Variants in MIR2052HG observed in about 807,000 individuals in gnomAD.
MIR2052HG encodes the protein MIR2052 host gene.
intron 2 of MIR2052HG, among the ~76,000 whole-genome samples, chr8:74,660,176 C>T (rs1383378992): frequency 1.3e-5 from 2 of 152,244 alleles, no homozygotes; most frequent in South Asian, 4.1e-4. Context: ...TCTCGGCTCA[C>T]CTGAACCATT....
chr8:74,735,983 T>G (rs1313107686), intron 4 of MIR2052HG, among the ~76,000 whole-genome samples: 2 of 152,174 alleles, frequency 1.3e-5, no homozygotes, highest in South Asian at 2.1e-4. Flanking sequence ...GCATAAAAAT[T>G]TAATGATATC....
rs1808041801 is a variant in MIR2052HG, at chr8:74,602,877, T to TTTCTTTCTTTCTTTCTTTC, written n.128+2973_128+2974insTTCTTTCTTTCTTTCTTCT. On this transcript the variant is annotated intron_variant and non_coding_transcript_variant, in intron 1 of 6. Transcript: ENST00000523442. ...TCTTTCTTTCTTTCTTTCTTTCTTT[T>TTTCTTTCTTTCTTTCTTTC]TTCTATTCACAAAGAAAAAGCTCCA... Among the ~76,000 whole-genome samples the TTTCTTTCTTTCTTTCTTTC allele has an allele frequency of 6.1e-3, 329 of 53,794 alleles. 53 individuals carry two copies. The highest frequency in any genetic ancestry group is 8.3e-3 in the Non-Finnish European group (245 of 29,478). 35.3% of individuals were successfully genotyped at this position (53,794 alleles called of 152,430 possible).
chr8:74,710,970 C>A (rs1282367144), intron 4 of MIR2052HG, among the ~76,000 whole-genome samples: 1 of 152,170 alleles, frequency 6.6e-6, no homozygotes, highest in Non-Finnish European at 1.5e-5. Flanking sequence ...CTGCTCCGTA[C>A]CTCTATGCTG....
At chr8:74,731,583 C>A (rs533327501) in intron 4 of MIR2052HG, among the ~76,000 whole-genome samples, 33 of 152,202 alleles carry the variant, frequency 2.2e-4, no homozygotes, top group African/African-American at 7.7e-4. Context: ...CTAGAGACAA[C>A]CAGCCTTGAA....
chr8:74,686,342 C>A (rs1809180774), intron 2 of MIR2052HG, among the ~76,000 whole-genome samples: 1 of 152,094 alleles, frequency 6.6e-6, no homozygotes, highest in Admixed American at 6.6e-5. Context: ...GACTGACTTA[C>A]AATTTTTTTG....
intron 2 of MIR2052HG, among the ~76,000 whole-genome samples, chr8:74,676,306 T>C (rs1276687846): frequency 6.6e-6 from 1 of 152,122 alleles, no homozygotes; most frequent in East Asian, 1.9e-4. Flanking sequence ...ATGTCTCAGA[T>C]TGAGAATAAA....
intron 1 of MIR2052HG, chr8:74,603,714 C>T (rs1808060536): frequency 3.3e-6 from 3 of 910,280 alleles, no homozygotes; most frequent in African/African-American, 1.6e-5. Flanking sequence ...TGAGCTGGTA[C>T]GGGATGGTCA....
intron 4 of MIR2052HG, among the ~76,000 whole-genome samples, chr8:74,739,418 A>G (rs1809803882): frequency 6.6e-6 from 1 of 152,170 alleles, no homozygotes; most frequent in Admixed American, 6.5e-5. Flanking sequence ...CTCTATTGAC[A>G]GCTTCCGAGT....
intron 4 of MIR2052HG, among the ~76,000 whole-genome samples, chr8:74,715,524 T>C (rs1809511387): frequency 6.6e-6 from 1 of 152,272 alleles, no homozygotes; most frequent in South Asian, 2.1e-4. Context: ...AATCCCATTC[T>C]GTTTGTGACT....
intron 2 of MIR2052HG, among the ~76,000 whole-genome samples, chr8:74,673,346 G>A (rs1350190825): frequency 6.6e-6 from 1 of 151,972 alleles, no homozygotes; most frequent in African/African-American, 2.4e-5. Context: ...GGCCACAATT[G>A]TCCTTTTCTT....
At chr8:74,723,612 T>C (rs1809602051) in intron 4 of MIR2052HG, among the ~76,000 whole-genome samples, 2 of 152,228 alleles carry the variant, frequency 1.3e-5, no homozygotes, top group African/African-American at 4.8e-5. Context: ...CATCTGGCTC[T>C]ATGCTCGGAC....
intron 2 of MIR2052HG, among the ~76,000 whole-genome samples, chr8:74,616,078 G>T (rs1229105386): frequency 1.3e-4 from 20 of 151,908 alleles, no homozygotes; most frequent in Admixed American, 1.3e-3. Flanking sequence ...AACATATGTG[G>T]GCATGTGTCT....
chr8:74,729,733 G>A (rs766565352), intron 4 of MIR2052HG, among the ~76,000 whole-genome samples: 5 of 152,126 alleles, frequency 3.3e-5, no homozygotes, highest in Non-Finnish European at 5.9e-5. Context: ...TTACTTAAGG[G>A]AGATTTGCTA....
At chr8:74,710,081 A>G (rs1014501087) in intron 4 of MIR2052HG, among the ~76,000 whole-genome samples, 1 of 152,160 alleles carries the variant, frequency 6.6e-6, no homozygotes, top group African/African-American at 2.4e-5. Flanking sequence ...ATAAATTCCA[A>G]GTATGCCCAT....
chr8:74,687,868 T>A (rs1809199812), intron 2 of MIR2052HG, among the ~76,000 whole-genome samples: 1 of 152,160 alleles, frequency 6.6e-6, no homozygotes, highest in Non-Finnish European at 1.5e-5. Context: ...AAAGAAACTT[T>A]GGGAGTGTTG....
intron 2 of MIR2052HG, among the ~76,000 whole-genome samples, chr8:74,656,019 A>G (rs1347665965): frequency 4.0e-5 from 6 of 151,832 alleles, no homozygotes; most frequent in East Asian, 1.9e-4. Context: ...AAATTTGACT[A>G]CCCCACTGGA....
chr8:74,703,620 A>T, exon 4 of MIR2052HG: 2 of 452,936 alleles, frequency 4.4e-6, no homozygotes, highest in Non-Finnish European at 8.9e-6. Context: ...CTTATTGAAT[A>T]TTACTGGGAA....
At chr8:74,690,584 T>C (rs1405399032) in intron 2 of MIR2052HG, among the ~76,000 whole-genome samples, 1 of 150,814 alleles carries the variant, frequency 6.6e-6, no homozygotes, top group East Asian at 2.0e-4. Context: ...GGAGGCGGAG[T>C]TTGCAGATCC....
At chr8:74,732,759 G>A (rs1586926375) in intron 4 of MIR2052HG, among the ~76,000 whole-genome samples, 1 of 152,126 alleles carries the variant, frequency 6.6e-6, no homozygotes, top group South Asian at 2.1e-4. Context: ...GGAGGGAATA[G>A]GTAGAGGGGA....
Sources: allele counts gnomAD v4.1 joint callset (sites outside exome capture counted in the v4.1 genomes callset), GRCh38; gene constraint gnomAD v4.1.1; transcripts MANE v1.5; gene names NCBI Gene and HGNC (gene_info 2026-07-23, HGNC 2026-07-21).